The following GGNBP2 variants were observed in gnomAD, a reference collection of about 807,000 sequenced individuals.
GGNBP2 encodes the protein gametogenetin-binding protein 2.
In GGNBP2, 10 loss-of-function variants were observed where a neutral mutation model predicts 85.9. The observed-to-expected ratio is 0.12, with a 90% CI of 0.07 to 0.20. The LOEUF (loss-of-function observed/expected upper bound fraction) is 0.20. GGNBP2 is among the 10% of genes least tolerant of loss of function. GGNBP2 has a pLI of 1.00. For missense variants in GGNBP2, 595 were observed against 857.8 expected, an observed-to-expected ratio of 0.69 and a Z score of 3.83; for synonymous variants, 287 against 285.7, an observed-to-expected ratio of 1.00 and a Z score of -0.05.
chr17:36,565,540 A>G (rs886303830), intron 5 of GGNBP2, among the ~76,000 whole-genome samples: 3 of 151,972 alleles, frequency 2.0e-5, no homozygotes, highest in Non-Finnish European at 2.9e-5. Context: ...TCCCTCAATT[A>G]TGAGAGCTTG....
At position 36,558,112 on chromosome 17, in the gene GGNBP2, A is replaced by C. The variant is rs191358252; in HGVS notation, c.428+776A>C. ...GGGCGACAGAGCGAGACTCCGTTTC[A>C]AAAAGAAAAAAAGAAGAGCGACTGG... On this transcript the variant is annotated intron_variant, in intron 4 of 13. Coordinates refer to ENST00000613102, the MANE Select transcript of GGNBP2 (RefSeq NM_024835.5). Among the ~76,000 whole-genome samples the C allele has an allele frequency of 1.8e-4, 27 of 147,044 alleles. 1 individual carries two copies. Among genetic ancestry groups the C allele is most frequent in the East Asian group, 4.2e-4 (2 of 4,758 alleles).
intron 6 of GGNBP2, among the ~76,000 whole-genome samples, chr17:36,569,940 A>T (rs1163318379): frequency 6.6e-6 from 1 of 152,238 alleles, no homozygotes; most frequent in Non-Finnish European, 1.5e-5. Context: ...CAGATATCTT[A>T]ACGGTTGTGA....
At chr17:36,557,861 C>T (rs1312928499) in intron 4 of GGNBP2, among the ~76,000 whole-genome samples, 1 of 152,064 alleles carries the variant, frequency 6.6e-6, no homozygotes, top group Non-Finnish European at 1.5e-5. Context: ...CGCCTGTAAT[C>T]CCAGCACTTT....
At chr17:36,552,886 G>C (rs755543608) in intron 2 of GGNBP2, among the ~76,000 whole-genome samples, 3 of 152,066 alleles carry the variant, frequency 2.0e-5, no homozygotes, top group African/African-American at 7.2e-5. Flanking sequence ...ACCATGTTTG[G>C]TGGCAGGTGC....
At position 36,554,875 on chromosome 17, in the gene GGNBP2, G is replaced by A. The variant is rs1213742539; in HGVS notation, c.149G>A (p.Gly50Asp). The A allele has an allele frequency of 8.7e-6, 14 of 1,606,836 alleles. No homozygotes were observed. Among genetic ancestry groups the A allele is most frequent in the Non-Finnish European group, 1.2e-5 (14 of 1,173,418 alleles). Residue 50 changes from glycine (G) to aspartate (D), a missense_variant, in exon 3 of 14, where the codon GGT (glycine) becomes GAT (aspartate). Physicochemically the swap from Gly to Asp is moderately conservative, Grantham distance 94 (BLOSUM62 -1). Coordinates refer to ENST00000613102, the MANE Select transcript of GGNBP2 (RefSeq NM_024835.5). ...VLNLDGHQNN[G>D]AQLKQFIQRH... ...AATCTCGATGGACATCAGAATAATG[G>A]TGCACAGCTAAAGCAGTTCATTCAG...
intron 4 of GGNBP2, 143 bp downstream of exon 4, chr17:36,557,479 GT>G: frequency 1.4e-6 from 1 of 699,514 alleles, no homozygotes; most frequent in Non-Finnish European, 2.4e-6. Flanking sequence ...TGGATGTAAA[GT>G]TTCAACTCTC....
intron 6 of GGNBP2, chr17:36,575,169 T>C (rs971376938): frequency 4.6e-6 from 3 of 656,432 alleles, no homozygotes; most frequent in Non-Finnish European, 5.5e-6. Context: ...ATCCACTCTT[T>C]ATCCTCGGCC....
intron 2 of GGNBP2, among the ~76,000 whole-genome samples, chr17:36,548,136 T>C (rs983562799): frequency 6.6e-6 from 1 of 152,258 alleles, no homozygotes; most frequent in African/African-American, 2.4e-5. Context: ...GGAAACATTG[T>C]TTGAACTTAT....
At chr17:36,571,566 G>A (rs1215343307) in intron 6 of GGNBP2, among the ~76,000 whole-genome samples, 3 of 152,086 alleles carry the variant, frequency 2.0e-5, no homozygotes, top group Non-Finnish European at 4.4e-5. Context: ...AACAGGCCGG[G>A]TGCCATGGCT....
chr17:36,555,024 T>G, intron 3 of GGNBP2, 124 bp downstream of exon 3: 1 of 609,332 alleles, frequency 1.6e-6, no homozygotes, highest in Non-Finnish European at 3.0e-6. Flanking sequence ...GAATTGCTCT[T>G]TCACCATTGC....
At position 36,545,770 on chromosome 17, in the gene GGNBP2, C is replaced by T. The variant is rs760550318; in HGVS notation, c.46C>T (p.Pro16Ser). Residue 16 changes from proline (P) to serine (S), a missense_variant, in exon 2 of 14, where the codon CCC becomes TCC. Coordinates refer to ENST00000613102, the MANE Select transcript of GGNBP2 (RefSeq NM_024835.5). ...GTGCAGGGACGGGGAGGAGGAGTTC[C>T]CCTTCGAGAGGAGGCAGATTCCCCT... Reference protein sequence around the residue: ...AVCRDGEEEFPFERRQIPLYI... With the variant: ...AVCRDGEEEFSFERRQIPLYI... 3 of 1,583,786 alleles carry T rather than the reference C, an allele frequency of 1.9e-6. No individual in the cohort carries two copies. Among genetic ancestry groups the T allele is most frequent in the Non-Finnish European group, 2.6e-6 (3 of 1,165,600 alleles).
At chr17:36,588,804 T>A (rs2074729669) in intron 13 of GGNBP2, among the ~76,000 whole-genome samples, 1 of 152,192 alleles carries the variant, frequency 6.6e-6, no homozygotes, top group African/African-American at 2.4e-5. Flanking sequence ...AAAAGTTTAC[T>A]TCTTAAGTAG....
At chr17:36,587,748 A>G (rs532749310) in intron 13 of GGNBP2, among the ~76,000 whole-genome samples, 2 of 152,334 alleles carry the variant, frequency 1.3e-5, no homozygotes, top group Admixed American at 6.5e-5. Flanking sequence ...TTAGCTGGGC[A>G]TGGTGGCGTG....
At position 36,554,613 on chromosome 17, in the gene GGNBP2, G is replaced by GC. The variant is rs541461496; in HGVS notation, c.94-201dup. 1.8e-3 allele frequency among the ~76,000 whole-genome samples: 271 copies of GC among 151,592 alleles called. 1 individual carries two copies. Among genetic ancestry groups the GC allele is most frequent in the African/African-American group, 6.3e-3 (261 of 41,336 alleles). On this transcript the variant is annotated intron_variant, in intron 2 of 13. Transcript: ENST00000613102. Reference sequence around the variant, plus strand: ...AACTCCCAACCTCAGGTGATCCGCCGCCCCCCACCCCACTGGCCTCCCAAA... The same window carrying GC: ...AACTCCCAACCTCAGGTGATCCGCCGCCCCCCCACCCCACTGGCCTCCCAAA...
At chr17:36,569,282 C>T (rs1023298545) in intron 6 of GGNBP2, among the ~76,000 whole-genome samples, 19 of 152,184 alleles carry the variant, frequency 1.2e-4, no homozygotes, top group Middle Eastern at 3.4e-3. Flanking sequence ...CATGGTGGCA[C>T]GCACGTGTAG....
chr17:36,575,640 A>ATTTTTTTT (rs1247915817), intron 6 of GGNBP2, among the ~76,000 whole-genome samples: 1 of 50,064 alleles, frequency 2.0e-5, no homozygotes, highest in African/African-American at 9.0e-5. Flanking sequence ...ATATATATAT[A>ATTTTTTTT]TATATATATT....
At chr17:36,546,308 A>T (rs994679854) in intron 2 of GGNBP2, 13 of 223,198 alleles carry the variant, frequency 5.8e-5, no homozygotes, top group Non-Finnish European at 7.0e-5. Flanking sequence ...CACAGTCAAG[A>T]TTCCACTAAA....
intron 9 of GGNBP2, among the ~76,000 whole-genome samples, chr17:36,583,085 C>T (rs961518187): frequency 4.0e-5 from 6 of 151,652 alleles, no homozygotes; most frequent in Non-Finnish European, 4.4e-5. Flanking sequence ...GACAGAGTCT[C>T]GCTCTGTTGC....
At chr17:36,587,883 C>T (rs1354983043) in intron 13 of GGNBP2, among the ~76,000 whole-genome samples, 1 of 151,470 alleles carries the variant, frequency 6.6e-6, no homozygotes, top group Non-Finnish European at 1.5e-5. Flanking sequence ...GAGACTTTGT[C>T]TCAAAAAAAA....
Sources: gnomAD v4.1 joint callset for allele counts (sites outside exome capture counted in the v4.1 genomes callset) on GRCh38, gnomAD v4.1.1 for gene constraint, MANE v1.5 for transcripts, NCBI Gene and HGNC (gene_info 2026-07-23, HGNC 2026-07-21) for gene names.